PDE4D: variants seen among roughly 807,000 people sequenced by gnomAD.
The protein encoded by PDE4D is phosphodiesterase 4D, also known as 3',5'-cyclic-AMP phosphodiesterase 4D.
A neutral mutation model predicts 87.4 loss-of-function variants in PDE4D; 24 were observed. That is an observed-to-expected ratio of 0.27 (90% confidence interval 0.20 to 0.39). The LOEUF is 0.39. Ranked by LOEUF, PDE4D falls within the 10% of genes least tolerant of loss-of-function variation. The pLI is 1.00. For missense variants in PDE4D, 714 were observed against 1,041.0 expected, an observed-to-expected ratio of 0.69 and a Z score of 4.32; for synonymous variants, 384 against 383.2, an observed-to-expected ratio of 1.00 and a Z score of -0.02.
At chr5:59,850,199 T>A (rs1744473648) in intron 1 of PDE4D, among the ~76,000 whole-genome samples, 1 of 151,916 alleles carries the variant, frequency 6.6e-6, no homozygotes. Context: ...TTTAAAAAAA[T>A]AAAATTCAAC....
chr5:60,392,995 A>C (rs1168862964), intron 1 of PDE4D, among the ~76,000 whole-genome samples: 11 of 152,218 alleles, frequency 7.2e-5, no homozygotes, highest in Admixed American at 7.2e-4. Context: ...TTGCTTCTAC[A>C]GGGAGCCAGG....
chr5:59,145,585 A>T (rs1274934039), intron 5 of PDE4D, among the ~76,000 whole-genome samples: 1 of 152,214 alleles, frequency 6.6e-6, no homozygotes, highest in South Asian at 2.1e-4. Flanking sequence ...TAAAGATATA[A>T]GAAATCGACT....
chr5:59,219,169 A>C (rs1017214500), intron 1 of PDE4D, among the ~76,000 whole-genome samples: 1 of 150,878 alleles, frequency 6.6e-6, no homozygotes. Flanking sequence ...CAATGTGCAC[A>C]TGTACCCTAA....
At chr5:60,489,446 C>CT (rs1318713924), upstream of PDE4D, among the ~76,000 whole-genome samples, 1 of 152,068 alleles carries the variant, frequency 6.6e-6, no homozygotes, top group South Asian at 2.1e-4. Flanking sequence ...CATTTATGCA[C>CT]TTTTTTTGGC....
chr5:59,281,149 T>C (rs1765727373), intron 1 of PDE4D, among the ~76,000 whole-genome samples: 1 of 152,150 alleles, frequency 6.6e-6, no homozygotes, highest in South Asian at 2.1e-4. Context: ...CTGCTATATT[T>C]AGAACTCTTC....
intron 1 of PDE4D, among the ~76,000 whole-genome samples, chr5:59,855,006 GAT>G (rs1191855766): frequency 6.6e-6 from 1 of 152,130 alleles, no homozygotes; most frequent in African/African-American, 2.4e-5. Context: ...GAATGCTGGA[GAT>G]TATAGAGTTC....
At chr5:59,791,885 A>C (rs1243525758) in intron 1 of PDE4D, among the ~76,000 whole-genome samples, 1 of 152,190 alleles carries the variant, frequency 6.6e-6, no homozygotes, top group African/African-American at 2.4e-5. Context: ...GATTATATCC[A>C]GCTCCTGGGA....
intron 5 of PDE4D, among the ~76,000 whole-genome samples, chr5:59,169,177 C>T (rs1198712014): frequency 6.6e-6 from 1 of 152,038 alleles, no homozygotes; most frequent in Non-Finnish European, 1.5e-5. Flanking sequence ...GGAAATGAGC[C>T]TCAAAGGAAT....
intron 1 of PDE4D, among the ~76,000 whole-genome samples, chr5:60,369,502 G>A (rs2149979103): frequency 6.6e-6 from 1 of 152,286 alleles, no homozygotes; most frequent in South Asian, 2.1e-4. Flanking sequence ...ACAGAACAGT[G>A]AGTCAACTGA....
intron 1 of PDE4D, among the ~76,000 whole-genome samples, chr5:59,357,143 A>C (rs1010227620): frequency 6.6e-6 from 1 of 152,192 alleles, no homozygotes; most frequent in Non-Finnish European, 1.5e-5. Context: ...TTTTAAATAT[A>C]GCCCTGATTA....
At chr5:60,025,826 G>A (rs1766563560) in intron 2 of PDE4D, among the ~76,000 whole-genome samples, 1 of 152,136 alleles carries the variant, frequency 6.6e-6, no homozygotes, top group Admixed American at 6.5e-5. Flanking sequence ...TGAACCCAGT[G>A]AGACAAGATT....
intron 1 of PDE4D, among the ~76,000 whole-genome samples, chr5:60,266,859 A>G (rs1277385476): frequency 1.3e-5 from 2 of 152,186 alleles, no homozygotes; most frequent in Non-Finnish European, 2.9e-5. Flanking sequence ...TGACTTAACT[A>G]TGTTCTCCTG....
At chr5:59,775,358 A>C (rs1024521384) in intron 1 of PDE4D, among the ~76,000 whole-genome samples, 8 of 152,192 alleles carry the variant, frequency 5.3e-5, no homozygotes, top group Non-Finnish European at 1.0e-4. Context: ...CTATTGAATT[A>C]CTGAGAAAAA....
chr5:60,298,981 CA>C (rs201809079), intron 1 of PDE4D, among the ~76,000 whole-genome samples: 5 of 151,058 alleles, frequency 3.3e-5, no homozygotes, highest in Non-Finnish European at 4.4e-5. Flanking sequence ...ATTCTTATCT[CA>C]AAAAAAAGGA....
rs1366795846 is a variant in PDE4D, at chr5:60,143,647, GTGTA to G, written c.42+41906_42+41909del. Among the ~76,000 whole-genome samples the G allele has an allele frequency of 2.5e-3, 295 of 120,256 alleles. 2 individuals are homozygous for G. The highest frequency in any genetic ancestry group is 7.5e-3 in the African/African-American group (222 of 29,726). 78.9% of individuals were successfully genotyped at this position (120,256 alleles called of 152,430 possible). A position where few individuals can be genotyped will look rare whatever the true frequency, so the allele number is the denominator to read the frequency against. On this transcript the variant is annotated intron_variant, in intron 2 of 16. Coordinates refer to the PDE4D transcript ENST00000502484. ...TGTGTGTGTGTGTGTGTGTGTGTGTGTGTATGTGTGTGTGTTTTGGGGAGGGGGC... is the reference window on the plus strand; with the variant it reads ...TGTGTGTGTGTGTGTGTGTGTGTGTGTGTGTGTGTGTTTTGGGGAGGGGGC...
At chr5:59,344,771 A>G (rs768649613) in intron 1 of PDE4D, among the ~76,000 whole-genome samples, 7 of 152,176 alleles carry the variant, frequency 4.6e-5, no homozygotes, top group Non-Finnish European at 8.8e-5. Context: ...TCACATCATG[A>G]AACCCTTAGA....
At chr5:59,479,531 A>T (rs1327721602) in intron 1 of PDE4D, among the ~76,000 whole-genome samples, 1 of 152,138 alleles carries the variant, frequency 6.6e-6, no homozygotes, top group Non-Finnish European at 1.5e-5. Context: ...TTGAGTCTGC[A>T]TATTTCAAAC....
At chr5:59,030,630 G>C (rs539373202) in intron 6 of PDE4D, among the ~76,000 whole-genome samples, 1 of 152,058 alleles carries the variant, frequency 6.6e-6, no homozygotes, top group East Asian at 1.9e-4. Flanking sequence ...GGCTACTTGG[G>C]AGGCTGAGGC....
chr5:59,562,060 T>C (rs1820110653), intron 1 of PDE4D, among the ~76,000 whole-genome samples: 1 of 152,250 alleles, frequency 6.6e-6, no homozygotes, highest in African/African-American at 2.4e-5. Context: ...CTGATACCAG[T>C]TTTTCTCTAC....
Sources: allele counts gnomAD v4.1 joint callset (sites outside exome capture counted in the v4.1 genomes callset), GRCh38; gene constraint gnomAD v4.1.1; transcripts MANE v1.5; gene names NCBI Gene and HGNC (gene_info 2026-07-23, HGNC 2026-07-21).